The following NETO2 variants were observed in gnomAD, a reference collection of about 807,000 sequenced individuals.
The protein encoded by NETO2 is neuropilin and tolloid like 2.
Under a neutral mutation model 62.5 loss-of-function variants are expected in NETO2, and 28 were observed. That is an observed-to-expected ratio of 0.45 (90% CI 0.33 to 0.61). The LOEUF (loss-of-function observed/expected upper bound fraction) is 0.61. Among genes scored for constraint, NETO2 ranks in the 20% least tolerant of loss-of-function variants. NETO2 has a pLI of 0.02. For synonymous variants in NETO2, 214 were observed against 219.1 expected (o/e 0.98, Z 0.21); for missense variants, 548 against 643.2 (o/e 0.85, Z 1.60).
chr16:47,115,702 T>TATATATATATAC (rs1963898700), intron 6 of NETO2, among the ~76,000 whole-genome samples: 2 of 139,446 alleles, frequency 1.4e-5, no homozygotes, highest in Non-Finnish European at 3.0e-5. Flanking sequence ...AATTTTTATA[T>TATATATATATAC]ATATATATAT....
intron 8 of NETO2, among the ~76,000 whole-genome samples, chr16:47,084,099 C>T (rs1444337140): frequency 6.6e-6 from 1 of 152,098 alleles, no homozygotes; most frequent in Non-Finnish European, 1.5e-5. Context: ...TAGACTATGC[C>T]AAATAAATAC....
chr16:47,126,900 C>A (rs77681821), intron 4 of NETO2, among the ~76,000 whole-genome samples: 17,105 of 152,046 alleles, frequency 0.11, 2,023 homozygotes, highest in African/African-American at 0.3. Flanking sequence ...ACACTGAAGC[C>A]AAGCTTAAAA....
rs112539148 is a variant in NETO2, at chr16:47,094,791, T to C, written c.884-8452A>G. On this transcript the variant is annotated intron_variant, in intron 7 of 8. Transcript: ENST00000562435. ...TGGAGTGCAGTGGTGCAATCTTAGC[T>C]CACTCCAACCTCTGCCTCCTGGGTT... Among the ~76,000 whole-genome samples, 311 of 152,258 alleles carry C rather than the reference T, an allele frequency of 2.0e-3. 4 individuals are homozygous for C. Among genetic ancestry groups the C allele is most frequent in the African/African-American group, 7.1e-3 (296 of 41,548 alleles).
intron 1 of NETO2, among the ~76,000 whole-genome samples, chr16:47,132,821 G>C (rs551774458): frequency 4.6e-5 from 7 of 152,204 alleles, no homozygotes; most frequent in Non-Finnish European, 8.8e-5. Context: ...GGTGTGGAGA[G>C]AGAAATCGAG....
chr16:47,083,223 A>G lies in NETO2; in HGVS notation c.1576T>C (p.Ter526GlnextTer10). 1 of 1,604,804 alleles carries G rather than the reference A, an allele frequency of 6.2e-7. No homozygotes were observed. Among genetic ancestry groups the G allele is most frequent in the South Asian group, 1.1e-5 (1 of 89,488 alleles). ...TTCACATCACCATTAGCAGAAGATT[A>G]GAAGTCAATGGATATGGATGCTTGT... ...SAQASISIDF[*>Q] The change falls in exon 9 of 9, where the codon TAA becomes CAA. Residue 526 changes from the stop codon to glutamine (Q), a stop_lost. Coordinates refer to ENST00000562435, the MANE Select transcript of NETO2 (RefSeq NM_018092.5).
chr16:47,110,812 C>A (rs1045180844), intron 6 of NETO2, among the ~76,000 whole-genome samples: 1 of 151,688 alleles, frequency 6.6e-6, no homozygotes, highest in Non-Finnish European at 1.5e-5. Flanking sequence ...ATTCCCCCCC[C>A]ACCCCACCAA....
In NETO2 at chr16:47,080,102, G is replaced by A. The variant is rs921655078; in HGVS notation, c.*3119C>T. 3 of 152,216 alleles carry A rather than the reference G, an allele frequency of 2.0e-5. No homozygotes were observed. Among genetic ancestry groups the A allele is most frequent in the African/African-American group, 7.2e-5 (3 of 41,450 alleles). 9.4% of individuals were successfully genotyped at this position (152,216 alleles called of 1,614,324 possible). On this transcript the variant is annotated 3_prime_UTR_variant, in exon 9 of 9. Transcript: ENST00000562435. ...TGAAATCTCTTTTGTGATGTGAAAT[G>A]TGAACATTCTTTGCCTTTTGTTAAA...
rs1417084532 is a variant in NETO2, at chr16:47,143,917, CG to C, written c.-306del. On this transcript the variant is annotated 5_prime_UTR_variant, in exon 1 of 9. Coordinates refer to ENST00000562435, the MANE Select transcript of NETO2 (RefSeq NM_018092.5). ...CGCGGGACCGGCAGGCAGCTCCGCCCGCGGCCCCGGCGCGGGATCCACTGAA... is the reference window on the plus strand; with the variant it reads ...CGCGGGACCGGCAGGCAGCTCCGCCCCGGCCCCGGCGCGGGATCCACTGAA... The C allele has an allele frequency of 1.1e-5, 2 of 184,362 alleles. No individual in the cohort carries two copies. The highest frequency in any genetic ancestry group is 2.2e-5 in the Non-Finnish European group (2 of 90,698). 11.4% of individuals were successfully genotyped at this position (184,362 alleles called of 1,614,324 possible).
At chr16:47,101,035 C>T (rs979188221) in intron 7 of NETO2, among the ~76,000 whole-genome samples, 8 of 152,138 alleles carry the variant, frequency 5.3e-5, no homozygotes, top group South Asian at 2.1e-4. Flanking sequence ...TGATGAACAT[C>T]GATGTGAAGA....
rs148491179 is a variant in NETO2, at chr16:47,128,745, C to T, written c.233-172G>A. ...AATGTATCTTACATTAAAAATAATG[C>T]TACTCTGTAGAACTATAGTAATCTT... On this transcript the variant is annotated intron_variant, in intron 3 of 8. Coordinates refer to ENST00000562435, the MANE Select transcript of NETO2 (RefSeq NM_018092.5). 9.5e-4 allele frequency among the ~76,000 whole-genome samples: 144 copies of T among 152,292 alleles called. 1 individual carries two copies. The highest frequency in any genetic ancestry group is 3.4e-3 in the African/African-American group (140 of 41,556).
intron 7 of NETO2, among the ~76,000 whole-genome samples, chr16:47,108,811 A>G (rs1159792513): frequency 6.6e-6 from 1 of 152,188 alleles, no homozygotes; most frequent in Non-Finnish European, 1.5e-5. Flanking sequence ...TGGCTTTGAG[A>G]GATGTTGGCA....
chr16:47,094,418 T>C (rs953059526), intron 7 of NETO2, among the ~76,000 whole-genome samples: 3 of 151,420 alleles, frequency 2.0e-5, no homozygotes, highest in Non-Finnish European at 4.4e-5. Context: ...TTTATTTACT[T>C]ATTTATTTAT....
rs138195926 is a variant in NETO2, at chr16:47,141,781, A to G, written c.34+1798T>C. 4.3e-3 allele frequency among the ~76,000 whole-genome samples: 650 copies of G among 152,358 alleles called. 5 individuals carry two copies. Among genetic ancestry groups the G allele is most frequent in the African/African-American group, 0.015 (619 of 41,586 alleles). On this transcript the variant is annotated intron_variant, in intron 1 of 8. Transcript: ENST00000562435. ...TGAAAAAAGAAAAGCCAGACACTAT[A>G]TTGTTTTCACCGTAGCTCTGCCATC... is the stretch of plus-strand genomic sequence containing the variant.
chr16:47,129,214 G>C lies in NETO2; in HGVS notation c.232+10C>G. The C allele has an allele frequency of 6.2e-7, 1 of 1,612,624 alleles. No homozygotes were observed. The highest frequency in any genetic ancestry group is 8.5e-7 in the Non-Finnish European group (1 of 1,179,068). ...AAAAATTCATCCAATAAAAGAAATC[G>C]TTCAAATACCTTCCAAAATGTAGAT... On this transcript the variant is annotated intron_variant, in intron 3 of 8. Coordinates refer to ENST00000562435, the MANE Select transcript of NETO2 (RefSeq NM_018092.5).
At chr16:47,093,440 A>T (rs1963356170) in intron 7 of NETO2, among the ~76,000 whole-genome samples, 1 of 152,216 alleles carries the variant, frequency 6.6e-6, no homozygotes, top group African/African-American at 2.4e-5. Context: ...TATGTCTCAA[A>T]GGGTCTTCGT....
At chr16:47,088,652 T>C (rs978635099) in intron 7 of NETO2, among the ~76,000 whole-genome samples, 1 of 152,158 alleles carries the variant, frequency 6.6e-6, no homozygotes, top group Non-Finnish European at 1.5e-5. Context: ...TATCTTTCTT[T>C]TAATAAATAT....
chr16:47,103,873 A>T (rs1032925649), intron 7 of NETO2, among the ~76,000 whole-genome samples: 2 of 152,192 alleles, frequency 1.3e-5, no homozygotes, highest in African/African-American at 4.8e-5. Flanking sequence ...ATAGAAAAAA[A>T]ATTTCCTTCA....
chr16:47,114,560 C>T (rs1963871464), intron 6 of NETO2, among the ~76,000 whole-genome samples: 1 of 147,266 alleles, frequency 6.8e-6, no homozygotes, highest in African/African-American at 2.5e-5. Flanking sequence ...ATGCCAGTCT[C>T]CTGCCTCAGC....
At chr16:47,134,662 A>T (rs1189429565) in intron 1 of NETO2, among the ~76,000 whole-genome samples, 1 of 152,172 alleles carries the variant, frequency 6.6e-6, no homozygotes, top group Non-Finnish European at 1.5e-5. Flanking sequence ...GACATTTACA[A>T]ATCCATCTAT....
Sources: allele counts gnomAD v4.1 joint callset (sites outside exome capture counted in the v4.1 genomes callset), GRCh38; gene constraint gnomAD v4.1.1; transcripts MANE v1.5; gene names NCBI Gene and HGNC (gene_info 2026-07-23, HGNC 2026-07-21).